Variants in ZNF609 observed in about 807,000 individuals in gnomAD.
The protein encoded by ZNF609 is zinc finger protein 609.
A neutral mutation model predicts 109.5 loss-of-function variants in ZNF609; 11 were observed. The observed-to-expected ratio is 0.10, with a 90% CI of 0.06 to 0.17. The LOEUF (loss-of-function observed/expected upper bound fraction) is 0.17, where lower values mean the gene tolerates loss of function less well. Among genes scored for constraint, ZNF609 ranks in the 10% least tolerant of loss-of-function variants. The probability of loss-of-function intolerance (pLI) is 1.00; values close to 1 mark genes in which losing one functional copy is unlikely to be tolerated. For synonymous variants in ZNF609, 646 were observed against 662.0 expected (o/e 0.98, Z 0.37); for missense variants, 1,559 against 1,772.4 (o/e 0.88, Z 2.16).
intron 2 of ZNF609, among the ~76,000 whole-genome samples, chr15:64,618,009 A>G (rs1337517422): frequency 6.6e-6 from 1 of 152,158 alleles, no homozygotes; most frequent in African/African-American, 2.4e-5. Context: ...GCATCTAATG[A>G]CCTTAACTTT....
chr15:64,564,350 G>A (rs1032930487), intron 2 of ZNF609, among the ~76,000 whole-genome samples: 1 of 152,134 alleles, frequency 6.6e-6, no homozygotes, highest in African/African-American at 2.4e-5. Flanking sequence ...GAGAGCTGTT[G>A]TGGCCAGAGA....
At chr15:64,636,639 C>T (rs1252409575) in intron 3 of ZNF609, among the ~76,000 whole-genome samples, 1 of 152,166 alleles carries the variant, frequency 6.6e-6, no homozygotes, top group Non-Finnish European at 1.5e-5. Context: ...CAGCTTACTC[C>T]TTAGAATTAT....
intron 1 of ZNF609, among the ~76,000 whole-genome samples, chr15:64,499,062 G>A (rs1893521203): frequency 6.6e-6 from 1 of 152,142 alleles, no homozygotes; most frequent in African/African-American, 2.4e-5. Context: ...ACTTACCATG[G>A]AATCTCTGGG....
intron 2 of ZNF609, among the ~76,000 whole-genome samples, chr15:64,551,111 A>G (rs1446358009): frequency 6.6e-6 from 1 of 151,916 alleles, no homozygotes; most frequent in Non-Finnish European, 1.5e-5. Context: ...TTTGAGGTGA[A>G]GTCTCACTAT....
intron 2 of ZNF609, among the ~76,000 whole-genome samples, chr15:64,591,854 G>A (rs899589621): frequency 7.2e-5 from 11 of 151,972 alleles, no homozygotes; most frequent in Admixed American, 2.0e-4. Flanking sequence ...TGGGACGACC[G>A]GCACACACCA....
intron 2 of ZNF609, among the ~76,000 whole-genome samples, chr15:64,511,410 G>A (rs1402187242): frequency 6.6e-6 from 1 of 150,948 alleles, no homozygotes; most frequent in Non-Finnish European, 1.5e-5. Flanking sequence ...GAACCTGGAA[G>A]GAGGAGGTTG....
intron 1 of ZNF609, among the ~76,000 whole-genome samples, chr15:64,474,630 C>T (rs1893141202): frequency 6.6e-6 from 1 of 151,946 alleles, no homozygotes; most frequent in Non-Finnish European, 1.5e-5. Context: ...TTTATTTACT[C>T]ATTTAGGTAA....
chr15:64,564,079 G>T (rs1284176703), intron 2 of ZNF609, among the ~76,000 whole-genome samples: 2 of 151,338 alleles, frequency 1.3e-5, no homozygotes, highest in African/African-American at 4.9e-5. Context: ...ATTCTGAGTA[G>T]CATGATGAAA....
intron 1 of ZNF609, among the ~76,000 whole-genome samples, chr15:64,461,297 G>C (rs1004929868): frequency 8.6e-5 from 13 of 151,578 alleles, no homozygotes; most frequent in African/African-American, 3.2e-4. Context: ...GGAGTGGGGA[G>C]CAAGGTGGCT....
intron 2 of ZNF609, among the ~76,000 whole-genome samples, chr15:64,585,478 A>C (rs1895180939): frequency 6.6e-6 from 1 of 152,092 alleles, no homozygotes; most frequent in Non-Finnish European, 1.5e-5. Flanking sequence ...CTTGAATCTG[A>C]GGTATATTTC....
intron 3 of ZNF609, among the ~76,000 whole-genome samples, chr15:64,634,241 A>G (rs1896134293): frequency 6.6e-6 from 1 of 152,022 alleles, no homozygotes; most frequent in South Asian, 2.1e-4. Flanking sequence ...CCCTACTTCA[A>G]ACTCTGTGGT....
intron 2 of ZNF609, among the ~76,000 whole-genome samples, chr15:64,505,495 CT>C (rs1893622447): frequency 6.6e-6 from 1 of 152,140 alleles, no homozygotes; most frequent in Non-Finnish European, 1.5e-5. Context: ...ATTTTAGATA[CT>C]AGGTTTTCTA....
At chr15:64,471,718 G>C (rs551132673) in intron 1 of ZNF609, among the ~76,000 whole-genome samples, 2 of 152,072 alleles carry the variant, frequency 1.3e-5, no homozygotes, top group African/African-American at 4.8e-5. Context: ...TGAGTAGGTG[G>C]CATTACAGGC....
chr15:64,624,073 G>C (rs750790298), intron 3 of ZNF609, among the ~76,000 whole-genome samples: 8 of 152,144 alleles, frequency 5.3e-5, no homozygotes, highest in Non-Finnish European at 8.8e-5. Context: ...TGAATATTTT[G>C]TTGTCATTCA....
At chr15:64,652,276 G>A (rs1480659620) in intron 3 of ZNF609, among the ~76,000 whole-genome samples, 4 of 152,080 alleles carry the variant, frequency 2.6e-5, no homozygotes, top group Admixed American at 6.6e-5. Flanking sequence ...TGCCCACCTC[G>A]GCCTCCCAAA....
At chr15:64,473,900 G>A (rs1395418871) in intron 1 of ZNF609, among the ~76,000 whole-genome samples, 1 of 151,750 alleles carries the variant, frequency 6.6e-6, no homozygotes, top group African/African-American at 2.4e-5. Flanking sequence ...TCAGCCTCCC[G>A]AGTAGCTGTG....
chr15:64,682,258 T>A lies in ZNF609; in HGVS notation c.*572T>A, dbSNP rs140864227. ...AAATTGGGGGTTGTTTTCTACATAATTGTGAAAACAAGGTCTTCAAATGTG... is the reference window on the plus strand; with the variant it reads ...AAATTGGGGGTTGTTTTCTACATAAATGTGAAAACAAGGTCTTCAAATGTG... On this transcript the variant is annotated 3_prime_UTR_variant, in exon 10 of 10. Transcript: ENST00000326648. 6.5e-6 allele frequency: 1 copy of A among 152,756 alleles called. No homozygotes were observed. Among genetic ancestry groups the A allele is most frequent in the African/African-American group, 2.4e-5 (1 of 41,568 alleles). The allele number at this position is 152,756 out of a possible 1,614,324, so 9.5% of individuals were successfully genotyped here.
chr15:64,528,494 T>C lies in ZNF609; in HGVS notation c.747+28328T>C, dbSNP rs193023951. 4.1e-3 allele frequency among the ~76,000 whole-genome samples: 626 copies of C among 152,144 alleles called. 2 individuals are homozygous for C. The highest frequency in any genetic ancestry group is 0.014 in the African/African-American group (590 of 41,498). The stretch of plus-strand genomic sequence containing the variant: ...GGCTGAGCACAAGGCACTTTATTGA[T>C]GGTACATGACAAGGTGGGGCACCCT... On this transcript the variant is annotated intron_variant, in intron 2 of 9. Coordinates refer to ENST00000326648, the MANE Select transcript of ZNF609 (RefSeq NM_015042.2).
At chr15:64,529,671 T>C (rs1443158936) in intron 2 of ZNF609, 1 of 745,636 alleles carries the variant, frequency 1.3e-6, no homozygotes, top group East Asian at 2.6e-5. Context: ...ACCTTACCCA[T>C]GGTGTCTCAG....
Sources: allele counts gnomAD v4.1 joint callset (sites outside exome capture counted in the v4.1 genomes callset), GRCh38; gene constraint gnomAD v4.1.1; transcripts MANE v1.5; gene names NCBI Gene and HGNC (gene_info 2026-07-23, HGNC 2026-07-21).